Variants in DTNB observed in about 807,000 individuals in gnomAD.
DTNB encodes DTN-B.
Under a neutral mutation model 90.7 loss-of-function variants are expected in DTNB, and 63 were observed. The ratio of observed to expected loss-of-function variants is 0.69; its 90% CI spans 0.57 to 0.86. The LOEUF (loss-of-function observed/expected upper bound fraction) is 0.86. Among genes scored for constraint, DTNB ranks in the 40% least tolerant of loss-of-function variants. The pLI is 0.00. For missense variants in DTNB, 744 were observed against 807.1 expected, an observed-to-expected ratio of 0.92 and a Z score of 0.95; for synonymous variants, 277 against 286.7, an observed-to-expected ratio of 0.97 and a Z score of 0.34.
At chr2:25,626,355 CAAAA>C (rs1157487732) in intron 4 of DTNB, among the ~76,000 whole-genome samples, 18 of 152,158 alleles carry the variant, frequency 1.2e-4, no homozygotes, top group Middle Eastern at 3.4e-3. Context: ...GGTTTTGAAA[CAAAA>C]AGACAGTTCC....
chr2:25,656,355 T>G (rs1201538490), intron 1 of DTNB, among the ~76,000 whole-genome samples: 1 of 152,208 alleles, frequency 6.6e-6, no homozygotes, highest in African/African-American at 2.4e-5. Context: ...GTTCCATACC[T>G]AAGAAGGGTA....
At chr2:25,612,473 A>G (rs2068895621) in intron 4 of DTNB, among the ~76,000 whole-genome samples, 1 of 152,168 alleles carries the variant, frequency 6.6e-6, no homozygotes, top group Admixed American at 6.5e-5. Flanking sequence ...TGCTTATACT[A>G]GAAAAGAAGA....
At chr2:25,464,813 C>T (rs1313208477) in intron 10 of DTNB, among the ~76,000 whole-genome samples, 1 of 152,108 alleles carries the variant, frequency 6.6e-6, no homozygotes. Context: ...ATGAGAAAAC[C>T]ATGAAGGACA....
At chr2:25,528,772 A>G (rs747406785) in intron 9 of DTNB, among the ~76,000 whole-genome samples, 1 of 152,216 alleles carries the variant, frequency 6.6e-6, no homozygotes, top group Admixed American at 6.5e-5. Context: ...AGCTGTAGGA[A>G]AAAGGACACT....
At chr2:25,536,828 C>T (rs984904513) in intron 8 of DTNB, among the ~76,000 whole-genome samples, 4 of 152,064 alleles carry the variant, frequency 2.6e-5, no homozygotes, top group Non-Finnish European at 5.9e-5. Context: ...CTGCAACCAG[C>T]GCCTCCCGGG....
intron 15 of DTNB, among the ~76,000 whole-genome samples, chr2:25,422,852 G>A (rs1373032804): frequency 6.6e-6 from 1 of 152,136 alleles, no homozygotes; most frequent in African/African-American, 2.4e-5. Context: ...AAAAGTATAA[G>A]GGAAAGATAT....
At chr2:25,437,265 CTTT>C (rs1420248680) in intron 12 of DTNB, among the ~76,000 whole-genome samples, 1 of 144,260 alleles carries the variant, frequency 6.9e-6, no homozygotes, top group Non-Finnish European at 1.5e-5. Flanking sequence ...TATCTATGTA[CTTT>C]TTTTTTTTTT....
At chr2:25,487,061 T>G (rs2066354121) in intron 9 of DTNB, among the ~76,000 whole-genome samples, 1 of 152,206 alleles carries the variant, frequency 6.6e-6, no homozygotes. Flanking sequence ...TAGAGGTAGT[T>G]TTTAAAGACT....
intron 2 of DTNB, among the ~76,000 whole-genome samples, chr2:25,642,547 A>C (rs2078567337): frequency 6.6e-6 from 1 of 151,708 alleles, no homozygotes; most frequent in African/African-American, 2.4e-5. Context: ...AGTAGCTGGG[A>C]CCACAGGTGT....
At chr2:25,586,962 G>A (rs563204946) in intron 6 of DTNB, among the ~76,000 whole-genome samples, 1 of 152,184 alleles carries the variant, frequency 6.6e-6, no homozygotes, top group Non-Finnish European at 1.5e-5. Context: ...ATGTGCTGCT[G>A]GCAAGGCTGT....
intron 20 of DTNB, among the ~76,000 whole-genome samples, chr2:25,378,932 T>C (rs1280736115): frequency 6.6e-6 from 1 of 152,142 alleles, no homozygotes; most frequent in Admixed American, 6.5e-5. Context: ...AAGTGGGCAG[T>C]GGCTGTGGGA....
intron 9 of DTNB, among the ~76,000 whole-genome samples, chr2:25,490,172 A>G (rs1392977639): frequency 6.6e-6 from 1 of 152,104 alleles, no homozygotes; most frequent in Non-Finnish European, 1.5e-5. Flanking sequence ...GCTACTCAGG[A>G]GGCTGAGGTG....
Position 25,582,495 on chromosome 2 carries a change from C to T in DTNB, c.604-1669G>A, listed in dbSNP as rs574584556. Reference sequence around the variant, plus strand: ...AGTAGAAGGCACAGCAGGAAAGAAGCTGTGCAATAAAAATCTGGAAAAGAT... The same window carrying T: ...AGTAGAAGGCACAGCAGGAAAGAAGTTGTGCAATAAAAATCTGGAAAAGAT... On this transcript the variant is annotated intron_variant, in intron 6 of 20. Transcript: ENST00000406818. Among the ~76,000 whole-genome samples, 6 of 152,228 alleles carry T rather than the reference C, an allele frequency of 3.9e-5. No homozygotes were observed. The East Asian group carries it at 1.2e-3, about 29-fold the overall frequency.
rs797020927 is a variant in DTNB at position 25,527,652 on chromosome 2, G to A, written c.1001+3821C>T. Among the ~76,000 whole-genome samples, 50 of 152,208 alleles carry A rather than the reference G, an allele frequency of 3.3e-4. 1 individual carries two copies. The highest frequency in any genetic ancestry group is 1.1e-3 in the African/African-American group (47 of 41,524). ...CGTTGTATCAATAACCTTTAAAATT[G>A]AGAGAAAATTAATAAATTCCTACCA... On this transcript the variant is annotated intron_variant, in intron 9 of 20. Coordinates refer to ENST00000406818, the MANE Select transcript of DTNB (RefSeq NM_021907.5).
chr2:25,462,750 C>A (rs2061180860), intron 10 of DTNB, among the ~76,000 whole-genome samples: 1 of 151,918 alleles, frequency 6.6e-6, no homozygotes, highest in Non-Finnish European at 1.5e-5. Flanking sequence ...GTCGCCCAGA[C>A]TGGAGTGCAG....
At chr2:25,629,461 C>T (rs1440788466) in intron 3 of DTNB, among the ~76,000 whole-genome samples, 2 of 152,228 alleles carry the variant, frequency 1.3e-5, no homozygotes, top group South Asian at 4.1e-4. Flanking sequence ...CACTAACGTA[C>T]CACTTACAAG....
intron 15 of DTNB, among the ~76,000 whole-genome samples, chr2:25,420,520 A>ATCTATCTATCTATCTATCTATCTATCTG (rs869201592): frequency 1.1e-5 from 1 of 89,168 alleles, no homozygotes; most frequent in African/African-American, 3.1e-5. Context: ...CTATCTATCT[A>ATCTATCTATCTATCTATCTATCTATCTG]TCTGTCTGTC....
chr2:25,438,493 G>T (rs1446754679), intron 12 of DTNB, among the ~76,000 whole-genome samples: 1 of 152,214 alleles, frequency 6.6e-6, no homozygotes, highest in East Asian at 1.9e-4. Context: ...TCTGAATGTG[G>T]TGTGAAGCCA....
At chr2:25,635,865 A>C (rs996138405) in intron 3 of DTNB, among the ~76,000 whole-genome samples, 8 of 152,220 alleles carry the variant, frequency 5.3e-5, no homozygotes, top group African/African-American at 1.7e-4. Flanking sequence ...ACTAAATTCT[A>C]ATAGTGGTTA....
Sources: allele counts gnomAD v4.1 joint callset (sites outside exome capture counted in the v4.1 genomes callset), GRCh38; gene constraint gnomAD v4.1.1; transcripts MANE v1.5; gene names NCBI Gene and HGNC (gene_info 2026-07-23, HGNC 2026-07-21).